Variants in PEX13 observed in about 807,000 individuals in gnomAD.
The protein encoded by PEX13 is peroxisomal biogenesis factor 13.
Under a neutral mutation model 34.5 loss-of-function variants are expected in PEX13, and 28 were observed. That is an observed-to-expected ratio of 0.81 (90% CI 0.60 to 1.11). The LOEUF (loss-of-function observed/expected upper bound fraction) is 1.11, where lower values mean the gene tolerates loss of function less well. PEX13 is among the 50% of genes most tolerant of loss of function. The pLI is 0.00. For synonymous variants in PEX13, 177 were observed against 175.1 expected (o/e 1.01, Z -0.09); for missense variants, 550 against 491.0 (o/e 1.12, Z -1.13).
At chr2:61,022,257 G>T (rs528203288) in intron 1 of PEX13, among the ~76,000 whole-genome samples, 1 of 152,134 alleles carries the variant, frequency 6.6e-6, no homozygotes, top group Non-Finnish European at 1.5e-5. Context: ...GTTCTAACCC[G>T]TCGCAAAGAA....
intron 1 of PEX13, 155 bp downstream of exon 1, chr2:61,018,006 A>G: frequency 7.4e-7 from 1 of 1,343,322 alleles, no homozygotes; most frequent in Non-Finnish European, 1.0e-6. Flanking sequence ...TGGGGCGCTT[A>G]CCAGTGGGGA....
intron 2 of PEX13, among the ~76,000 whole-genome samples, chr2:61,039,572 C>T (rs1175403334): frequency 1.3e-5 from 2 of 152,154 alleles, no homozygotes; most frequent in Admixed American, 6.6e-5. Flanking sequence ...TCCTTCCTTA[C>T]ACCGTATACA....
At chr2:61,028,180 A>T (rs186357025) in intron 1 of PEX13, among the ~76,000 whole-genome samples, 5 of 152,316 alleles carry the variant, frequency 3.3e-5, no homozygotes, top group Admixed American at 3.3e-4. Flanking sequence ...TTAACCAACT[A>T]ATCAAATTTA....
intron 3 of PEX13, 75 bp from the exon 4 acceptor site, chr2:61,048,397 G>A (rs1292325635): frequency 1.6e-6 from 2 of 1,214,222 alleles, no homozygotes; most frequent in East Asian, 4.6e-5. Flanking sequence ...TCCTGAATGT[G>A]ATATTTTACC....
At chr2:61,018,113 A>G in intron 1 of PEX13, 1 of 1,546,718 alleles carries the variant, frequency 6.5e-7, no homozygotes, top group Middle Eastern at 1.9e-4. Flanking sequence ...TGTGCTTGAA[A>G]GAAAGGGGGG....
At position 61,032,102 on chromosome 2, in the gene PEX13, A is replaced by G; in HGVS notation, c.776A>G (p.Asp259Gly). 8.1e-6 allele frequency: 13 copies of G among 1,609,532 alleles called. No homozygotes were observed. Among genetic ancestry groups the G allele is most frequent in the Non-Finnish European group, 1.1e-5 (13 of 1,175,892 alleles). ...TGGAAACTATTGTCTACTCACAGTG[A>G]TGAAGTAACAGGTAAGAGAACTGTA... ...LIWKLLSTHSDEVTDSINWAS... is the reference protein window; with the variant it reads ...LIWKLLSTHSGEVTDSINWAS... Residue 259 changes from aspartate (D) to glycine (G), a missense_variant, in exon 2 of 4, where the codon GAT becomes GGT. By Grantham distance (94) the Asp-to-Gly change is moderately conservative. Coordinates refer to ENST00000295030, the MANE Select transcript of PEX13 (RefSeq NM_002618.4).
At chr2:61,021,105 G>A (rs939171013) in intron 1 of PEX13, among the ~76,000 whole-genome samples, 7 of 152,172 alleles carry the variant, frequency 4.6e-5, no homozygotes, top group African/African-American at 7.2e-5. Context: ...CGTGATTGAC[G>A]CACAGGACGG....
At chr2:61,045,599 T>G in intron 2 of PEX13, 127 bp from the exon 3 acceptor site, 2 of 716,662 alleles carry the variant, frequency 2.8e-6, no homozygotes, top group East Asian at 2.7e-5. Flanking sequence ...GTATTCATTA[T>G]AGTTTTTACT....
intron 1 of PEX13, among the ~76,000 whole-genome samples, chr2:61,021,138 A>G (rs981652612): frequency 3.9e-5 from 6 of 152,160 alleles, no homozygotes; most frequent in Middle Eastern, 3.2e-3. Flanking sequence ...TTTCCAACTG[A>G]GGTACCTGGT....
At chr2:61,032,178 T>C in intron 2 of PEX13, 65 bp downstream of exon 2, 1 of 1,161,998 alleles carries the variant, frequency 8.6e-7, no homozygotes, top group Non-Finnish European at 1.3e-6. Context: ...AAGAATAGAT[T>C]TGTTAGTTTT....
Position 61,032,765 on chromosome 2 carries a change from A to G in PEX13, c.787+652A>G, listed in dbSNP as rs190667610. Among the ~76,000 whole-genome samples the G allele has an allele frequency of 4.8e-4, 73 of 152,366 alleles. No individual in the cohort carries two copies. In the East Asian group the frequency reaches 0.011, roughly 23 times the overall value. On this transcript the variant is annotated intron_variant, in intron 2 of 3. Coordinates refer to ENST00000295030, the MANE Select transcript of PEX13 (RefSeq NM_002618.4). ...GCTAACATTTTTTACTGTGGTATCC[A>G]GGAAGAAATGGCATCTAAGTTAGAT...
chr2:61,032,608 G>T (rs1680470928), intron 2 of PEX13, among the ~76,000 whole-genome samples: 1 of 152,146 alleles, frequency 6.6e-6, no homozygotes, highest in Non-Finnish European at 1.5e-5. Context: ...ATAAAACTGA[G>T]ATCCAGAGAA....
chr2:61,045,633 G>A, intron 2 of PEX13, 93 bp from the exon 3 acceptor site: 3 of 1,141,500 alleles, frequency 2.6e-6, no homozygotes, highest in Non-Finnish European at 3.9e-6. Flanking sequence ...CTTTTCTCTT[G>A]GCAAATTTAT....
chr2:61,033,790 T>C (rs1372152697), intron 2 of PEX13, among the ~76,000 whole-genome samples: 2 of 152,104 alleles, frequency 1.3e-5, no homozygotes, highest in Non-Finnish European at 2.9e-5. Context: ...TGTAGAGGTA[T>C]GTAAGTGGCA....
intron 2 of PEX13, among the ~76,000 whole-genome samples, chr2:61,044,465 G>T (rs531476053): frequency 6.6e-6 from 1 of 152,266 alleles, no homozygotes; most frequent in South Asian, 2.1e-4. Context: ...TGCCCAGGTT[G>T]GTCTTGAACT....
intron 2 of PEX13, among the ~76,000 whole-genome samples, chr2:61,036,597 G>C (rs948251406): frequency 1.1e-4 from 16 of 152,116 alleles, no homozygotes; most frequent in Non-Finnish European, 1.9e-4. Context: ...TCACCACCAG[G>C]CCTGCCTTAC....
chr2:61,029,247 A>G (rs1180233287), intron 1 of PEX13, among the ~76,000 whole-genome samples: 1 of 152,214 alleles, frequency 6.6e-6, no homozygotes, highest in African/African-American at 2.4e-5. Context: ...AAATATGCTC[A>G]ACATCATTAG....
intron 2 of PEX13, among the ~76,000 whole-genome samples, chr2:61,040,519 A>T (rs1464477652): frequency 1.3e-5 from 2 of 152,006 alleles, no homozygotes; most frequent in African/African-American, 4.8e-5. Flanking sequence ...TCTCACTCAT[A>T]GGTGGGAGTT....
intron 2 of PEX13, 42 bp from the exon 3 acceptor site, chr2:61,045,680 TTTTC>T (rs1680695025): frequency 6.3e-7 from 1 of 1,588,576 alleles, no homozygotes; most frequent in African/African-American, 1.3e-5. Context: ...ATATCTGCAT[TTTTC>T]TTTTGTAAAT....
Sources: allele counts gnomAD v4.1 joint callset (sites outside exome capture counted in the v4.1 genomes callset), GRCh38; gene constraint gnomAD v4.1.1; transcripts MANE v1.5; gene names NCBI Gene and HGNC (gene_info 2026-07-23, HGNC 2026-07-21).